CEP164: variants seen among roughly 807,000 people sequenced by gnomAD.
CEP164 encodes centrosomal protein 164.
CEP164 carries 162 observed loss-of-function variants against 182.7 expected under a neutral mutation model. That is an observed-to-expected ratio of 0.89 (90% CI 0.78 to 1.01). CEP164 has a LOEUF of 1.01. Among genes scored for constraint, CEP164 ranks in the 50% least tolerant of loss-of-function variants. The pLI is 0.00. For missense variants in CEP164, 1,735 were observed against 1,790.4 expected (o/e 0.97, Z 0.56); for synonymous variants, 661 against 690.0 (o/e 0.96, Z 0.66).
At position 117,393,114 on chromosome 11, in the gene CEP164, G is replaced by A. The variant is rs930890394; in HGVS notation, c.2604G>A (p.Gln868=). 1 of 1,612,972 alleles carries A rather than the reference G, an allele frequency of 6.2e-7. No homozygotes were observed. Among genetic ancestry groups the A allele is most frequent in the Non-Finnish European group, 8.5e-7 (1 of 1,179,556 alleles). Residue 868 remains glutamine (Q), a synonymous_variant, in exon 20 of 33, where the codon CAG becomes CAA. Coordinates refer to ENST00000278935, the MANE Select transcript of CEP164 (RefSeq NM_014956.5). ...AAGTGATGGCTAAGGCCAGAGAGCA[G>A]TATGAAGCTGAGGTAGCTCAGCCAC... ...HQQVMAKARE[Q]YEAEERKQRA...
chr11:117,393,610 A>T lies in CEP164; in HGVS notation c.2616+484A>T, dbSNP rs910900577. ...TAGCTTCCCAAGATCACACCCAGCC[A>T]ATAAGTAGAAGAGCTAGGATTCAAG... is the stretch of plus-strand genomic sequence containing the variant. On this transcript the variant is annotated intron_variant, in intron 20 of 32. Coordinates refer to ENST00000278935, the MANE Select transcript of CEP164 (RefSeq NM_014956.5). Among the ~76,000 whole-genome samples, 3 of 152,122 alleles carry T rather than the reference A, an allele frequency of 2.0e-5. No individual in the cohort carries two copies. In the East Asian group the frequency reaches 5.8e-4, roughly 29 times the overall value.
chr11:117,327,064 C>T (rs922686479), upstream of CEP164, among the ~76,000 whole-genome samples: 3 of 152,174 alleles, frequency 2.0e-5, no homozygotes, highest in Non-Finnish European at 4.4e-5. Context: ...TTTTCTTCTT[C>T]AATAGACTCT....
intron 11 of CEP164, among the ~76,000 whole-genome samples, chr11:117,376,090 C>T (rs1238243578): frequency 6.6e-6 from 1 of 151,470 alleles, no homozygotes; most frequent in Non-Finnish European, 1.5e-5. Flanking sequence ...GATTTCAAGG[C>T]ACTTCCCATC....
At chr11:117,406,986 C>A (rs1325631176) in intron 27 of CEP164, among the ~76,000 whole-genome samples, 1 of 152,050 alleles carries the variant, frequency 6.6e-6, no homozygotes, top group Non-Finnish European at 1.5e-5. Flanking sequence ...CCCAGCTACC[C>A]AGGAGGCTGA....
chr11:117,383,076 A>G (rs2043525678), intron 14 of CEP164, 134 bp downstream of exon 14: 1 of 1,017,418 alleles, frequency 9.8e-7, no homozygotes, highest in Non-Finnish European at 1.4e-6. Flanking sequence ...GATTAAGCAT[A>G]TCCTTGGTGC....
intron 4 of CEP164, among the ~76,000 whole-genome samples, chr11:117,347,744 T>C (rs1261744): frequency 0.22 from 32,950 of 151,942 alleles, 3,730 homozygotes; most frequent in African/African-American, 0.27. Flanking sequence ...GTCAGTTTCC[T>C]ATTAGGATTT....
chr11:117,388,386 G>T (rs1366204508), intron 15 of CEP164, among the ~76,000 whole-genome samples: 1 of 152,220 alleles, frequency 6.6e-6, no homozygotes, highest in African/African-American at 2.4e-5. Context: ...GCATATTCAG[G>T]CATTCTTGAC....
intron 25 of CEP164, 126 bp downstream of exon 25, chr11:117,396,306 G>T (rs770113754): frequency 1.7e-6 from 2 of 1,148,046 alleles, no homozygotes; most frequent in Admixed American, 1.9e-5. Context: ...CCTCAGGAGG[G>T]GAGGAGTATA....
At position 117,380,682 on chromosome 11, in the gene CEP164, G is replaced by T; in HGVS notation, c.1386G>T (p.Lys462Asn). 1 of 1,607,342 alleles carries T rather than the reference G, an allele frequency of 6.2e-7. No homozygotes were observed. Among genetic ancestry groups the T allele is most frequent in the Non-Finnish European group, 8.5e-7 (1 of 1,177,036 alleles). ...SQSSQDELQS[K>N]QSKGLEERLS... ...CCAGCCAAGATGAGCTGCAGAGCAA[G>T]CAGTCCAAAGGCCTGGAGGAGAGGT... is the stretch of plus-strand genomic sequence containing the variant. The change falls in exon 12 of 33, where the codon AAG becomes AAT. Residue 462 changes from lysine to asparagine, a missense_variant. Lys to Asn is a moderately conservative substitution (Grantham distance 94). Coordinates refer to ENST00000278935, the MANE Select transcript of CEP164 (RefSeq NM_014956.5).
chr11:117,381,273 T>C (rs1198366979), intron 12 of CEP164, among the ~76,000 whole-genome samples: 1 of 152,242 alleles, frequency 6.6e-6, no homozygotes, highest in Admixed American at 6.5e-5. Flanking sequence ...ATTTCACTTT[T>C]GGACCTGCAA....
In CEP164 at chr11:117,371,242, C is replaced by G. The variant is rs1360412107; in HGVS notation, c.928C>G (p.Leu310Val). 1 of 1,614,226 alleles carries G rather than the reference C, an allele frequency of 6.2e-7. No individual in the cohort carries two copies. The change falls in exon 9 of 33, where the codon CTT becomes GTT. Residue 310 changes from leucine (L) to valine (V), a missense_variant. By Grantham distance (32) the Leu-to-Val change is conservative. Transcript: ENST00000278935. ...GRQGSGARPG[L>V]PEKEENEKSE... ...ACAGGGAAGTGGAGCAAGACCTGGTCTTCCAGAAAAAGAGGAAAATGAGAA... is the reference window on the plus strand; with the variant it reads ...ACAGGGAAGTGGAGCAAGACCTGGTGTTCCAGAAAAAGAGGAAAATGAGAA...
Position 117,409,574 on chromosome 11 carries a change from C to T in CEP164, c.3749-44C>T. ...GCTGTGTCTGGGAATGGTCCAGGGT[C>T]CTGAGCTTGAGTCCCTTCCCACCAT... is the stretch of plus-strand genomic sequence containing the variant. On this transcript the variant is annotated intron_variant, in intron 29 of 32. Transcript: ENST00000278935. The surrounding 1 kb of genome is among the most constrained non-coding windows in gnomAD (Gnocchi z 4.4). 1 of 1,540,736 alleles carries T rather than the reference C, an allele frequency of 6.5e-7. No individual in the cohort carries two copies. Among genetic ancestry groups the T allele is most frequent in the South Asian group, 1.2e-5 (1 of 82,194 alleles).
At chr11:117,396,316 A>G in intron 25 of CEP164, 136 bp downstream of exon 25, 1 of 994,400 alleles carries the variant, frequency 1.0e-6, no homozygotes, top group Non-Finnish European at 1.5e-6. Flanking sequence ...GGAGGAGTAT[A>G]AGGTGGGCCA....
At chr11:117,341,621 G>T (rs474891) in intron 3 of CEP164, among the ~76,000 whole-genome samples, 34,798 of 151,672 alleles carry the variant, frequency 0.23, 4,121 homozygotes, top group African/African-American at 0.28. Context: ...TTTTTGTATT[G>T]TGTTGGTAGA....
chr11:117,352,435 C>G (rs2039760591), intron 5 of CEP164, among the ~76,000 whole-genome samples: 2 of 152,112 alleles, frequency 1.3e-5, no homozygotes, highest in African/African-American at 2.4e-5. Context: ...GTGTGAATTC[C>G]TAGATGTCAG....
intron 8 of CEP164, among the ~76,000 whole-genome samples, chr11:117,369,187 C>T (rs1236062183): frequency 2.0e-5 from 3 of 152,210 alleles, no homozygotes; most frequent in East Asian, 1.9e-4. Context: ...CATTACATAA[C>T]GTAAGTTAAC....
chr11:117,329,729 A>G (rs1023253587), intron 1 of CEP164, among the ~76,000 whole-genome samples: 1 of 151,376 alleles, frequency 6.6e-6, no homozygotes, highest in African/African-American at 2.4e-5. Flanking sequence ...TTTGGTAGAG[A>G]CGGGGTTTCA....
intron 8 of CEP164, among the ~76,000 whole-genome samples, chr11:117,368,509 A>G (rs775711850): frequency 2.6e-4 from 40 of 152,156 alleles, no homozygotes; most frequent in Non-Finnish European, 4.3e-4. Flanking sequence ...TCTAAGGTGT[A>G]TTGGTAGGCA....
Position 117,411,607 on chromosome 11 carries a change from T to A in CEP164, c.4164-188T>A. ...CAAGGGGGCAGAGGGCCTCCACCAC[T>A]TTCCCGTTTGGGAACTGTTCTGGAG... is the stretch of plus-strand genomic sequence containing the variant. On this transcript the variant is annotated intron_variant, in intron 31 of 32. Transcript: ENST00000278935. The surrounding 1 kb of genome is among the most constrained non-coding windows in gnomAD (Gnocchi z 4.4). 4 of 728,442 alleles carry A rather than the reference T, an allele frequency of 5.5e-6. No individual in the cohort carries two copies. The highest frequency in any genetic ancestry group is 8.5e-6 in the Non-Finnish European group (4 of 468,412). 45.1% of individuals were successfully genotyped at this position (728,442 alleles called of 1,614,324 possible).
Sources: gnomAD v4.1 joint callset for allele counts (sites outside exome capture counted in the v4.1 genomes callset) on GRCh38, gnomAD v4.1.1 for gene constraint, Gnocchi (gnomAD v3.1) non-coding constraint, MANE v1.5 for transcripts, NCBI Gene and HGNC (gene_info 2026-07-23, HGNC 2026-07-21) for gene names.